Variants in ANO5 observed in about 807,000 individuals in gnomAD.
ANO5 encodes the protein anoctamin-5.
Under a neutral mutation model 121.0 loss-of-function variants are expected in ANO5, and 109 were observed. That is an observed-to-expected ratio of 0.90 (90% CI 0.77 to 1.06). ANO5 has a LOEUF of 1.06. ANO5 is among the 50% of genes least tolerant of loss of function. The probability of loss-of-function intolerance (pLI) is 0.00; values close to 1 mark genes in which losing one functional copy is unlikely to be tolerated. For synonymous variants in ANO5, 406 were observed against 359.9 expected (o/e 1.13, Z -1.45); for missense variants, 1,064 against 1,078.5 (o/e 0.99, Z 0.19).
chr11:22,260,474 G>T (rs1157223646), intron 15 of ANO5, among the ~76,000 whole-genome samples: 3 of 152,140 alleles, frequency 2.0e-5, no homozygotes, highest in Non-Finnish European at 1.5e-5. Context: ...ACATTATTCA[G>T]TCAGCGCTGG....
chr11:22,208,330 A>G (rs904104457), intron 2 of ANO5, among the ~76,000 whole-genome samples: 4 of 152,076 alleles, frequency 2.6e-5, no homozygotes, highest in Non-Finnish European at 4.4e-5. Flanking sequence ...CAGCCTTATC[A>G]TGTAAAACTA....
intron 7 of ANO5, among the ~76,000 whole-genome samples, chr11:22,231,070 G>A (rs1443409566): frequency 6.6e-6 from 1 of 151,846 alleles, no homozygotes; most frequent in Non-Finnish European, 1.5e-5. Flanking sequence ...ACCTCTTATG[G>A]CACAGATCAG....
chr11:22,195,870 T>A (rs979810779), intron 1 of ANO5, among the ~76,000 whole-genome samples: 3 of 152,176 alleles, frequency 2.0e-5, no homozygotes, highest in African/African-American at 7.2e-5. Flanking sequence ...TGGGACTAAT[T>A]ACTGCATTCT....
chr11:22,204,685 A>T (rs1394947762), intron 2 of ANO5, among the ~76,000 whole-genome samples: 1 of 152,098 alleles, frequency 6.6e-6, no homozygotes, highest in African/African-American at 2.4e-5. Context: ...TGTTAAAAAA[A>T]TCAAGAAATA....
chr11:22,239,586 A>C lies in ANO5; in HGVS notation c.780A>C (p.Pro260=). Residue 260 remains proline (P), a synonymous_variant, in exon 9 of 22, where the codon CCA becomes CCC. Transcript: ENST00000324559. ...YPLHDGQYWK[P]SEPPNPTNER... ...ATCTGCAGGGCCAATATTGGAAGCC[A>C]TCAGAACCTCCCAATCCTACCAATG... 6.2e-7 allele frequency: 1 copy of C among 1,612,424 alleles called. No homozygotes were observed.
chr11:22,270,216 T>G, intron 17 of ANO5, 96 bp from the exon 18 acceptor site: 2 of 1,465,682 alleles, frequency 1.4e-6, no homozygotes, highest in Non-Finnish European at 9.4e-7. Flanking sequence ...TTATTTAATC[T>G]CTAATTTCTG....
Position 22,226,043 on chromosome 11 carries a change from A to T in ANO5, c.354A>T (p.Glu118Asp). The change falls in exon 6 of 22, where the codon GAA becomes GAT. Residue 118 changes from glutamate to aspartate, a missense_variant. Coordinates refer to ENST00000324559, the MANE Select transcript of ANO5 (RefSeq NM_213599.3). Reference protein sequence around the residue: ...LRKTGLELEIEDKRDSEDGRT... With the variant: ...LRKTGLELEIDDKRDSEDGRT... ...AAACAGGTCTTGAGTTGGAAATAGA[A>T]GACAAAAGGGTAAATGTAGTTGATA... is the stretch of plus-strand genomic sequence containing the variant. The T allele has an allele frequency of 6.2e-7, 1 of 1,605,400 alleles. No individual in the cohort carries two copies. The highest frequency in any genetic ancestry group is 8.5e-7 in the Non-Finnish European group (1 of 1,172,608).
At chr11:22,215,959 A>G (rs1184711157) in intron 3 of ANO5, among the ~76,000 whole-genome samples, 3 of 151,716 alleles carry the variant, frequency 2.0e-5, no homozygotes, top group Admixed American at 2.0e-4. Flanking sequence ...CTCATGCAAA[A>G]CTCCAAATAT....
chr11:22,220,579 G>T (rs558841252), intron 4 of ANO5, among the ~76,000 whole-genome samples: 1 of 151,992 alleles, frequency 6.6e-6, no homozygotes, highest in Admixed American at 6.6e-5. Context: ...TAAGCTACCT[G>T]CTTTATAATA....
intron 12 of ANO5, among the ~76,000 whole-genome samples, chr11:22,254,618 G>T (rs1194683001): frequency 6.6e-6 from 1 of 151,466 alleles, no homozygotes; most frequent in Non-Finnish European, 1.5e-5. Flanking sequence ...ACACGAAAAA[G>T]TATCAGTTGT....
intron 18 of ANO5, 88 bp downstream of exon 18, chr11:22,270,530 G>A (rs1854571426): frequency 3.8e-6 from 6 of 1,568,468 alleles, no homozygotes; most frequent in Non-Finnish European, 5.2e-6. Context: ...CTTGCACATG[G>A]TAGGTGTTCA....
intron 18 of ANO5, among the ~76,000 whole-genome samples, chr11:22,271,805 G>A (rs2133784233): frequency 6.6e-6 from 1 of 152,218 alleles, no homozygotes; most frequent in East Asian, 1.9e-4. Context: ...AAGATTTTAG[G>A]TAAAGATATT....
intron 7 of ANO5, among the ~76,000 whole-genome samples, chr11:22,230,038 A>G (rs2133622521): frequency 6.6e-6 from 1 of 152,072 alleles, no homozygotes; most frequent in Non-Finnish European, 1.5e-5. Flanking sequence ...TATATAACCC[A>G]TATATGTGAT....
At position 22,193,299 on chromosome 11, in the gene ANO5, G is replaced by A. The variant is rs573002846; in HGVS notation, c.-194G>A. 4.2e-4 allele frequency: 399 copies of A among 941,202 alleles called. 4 individuals carry two copies. The South Asian group carries it at 0.014, about 33-fold the overall frequency. The allele number at this position is 941,202 out of a possible 1,614,324, so 58.3% of individuals were successfully genotyped here. A position where few individuals can be genotyped will look rare whatever the true frequency, so the allele number is the denominator to read the frequency against. On this transcript the variant is annotated 5_prime_UTR_variant, in exon 1 of 22. Coordinates refer to ENST00000324559, the MANE Select transcript of ANO5 (RefSeq NM_213599.3). ...GAGAGGAAGGCCGGCTGGCTGTGGC[G>A]CCCAGAGACGGTGGAGTCCGAGGAG...
At chr11:22,205,091 C>T (rs555335160) in intron 2 of ANO5, among the ~76,000 whole-genome samples, 1 of 152,172 alleles carries the variant, frequency 6.6e-6, no homozygotes, top group Admixed American at 6.5e-5. Flanking sequence ...CAAACTAATA[C>T]AAGAACAGAA....
chr11:22,220,947 A>G (rs1590235998), intron 4 of ANO5, 150 bp from the exon 5 acceptor site: 9 of 630,392 alleles, frequency 1.4e-5, no homozygotes, highest in South Asian at 1.2e-4. Flanking sequence ...TTTTATATGG[A>G]ATTTCACTTT....
chr11:22,197,301 A>G (rs1331417428), intron 1 of ANO5, among the ~76,000 whole-genome samples: 1 of 152,084 alleles, frequency 6.6e-6, no homozygotes, highest in African/African-American at 2.4e-5. Flanking sequence ...GCACTTAATT[A>G]GTTACATAAA....
chr11:22,228,114 T>C (rs1211772750), intron 7 of ANO5, among the ~76,000 whole-genome samples: 7 of 152,218 alleles, frequency 4.6e-5, no homozygotes, highest in Middle Eastern at 3.4e-3. Flanking sequence ...AAGTTTCCCA[T>C]TGAAAACCTC....
intron 18 of ANO5, among the ~76,000 whole-genome samples, chr11:22,270,940 T>TA: frequency 6.6e-6 from 1 of 152,322 alleles, no homozygotes; most frequent in East Asian, 1.9e-4. Context: ...TTGCAAGGTT[T>TA]GAACAGAGAA....
Sources: gnomAD v4.1 joint callset for allele counts (sites outside exome capture counted in the v4.1 genomes callset) on GRCh38, gnomAD v4.1.1 for gene constraint, MANE v1.5 for transcripts, NCBI Gene and HGNC (gene_info 2026-07-23, HGNC 2026-07-21) for gene names.